Variants in UBE2E3 observed in about 807,000 individuals in gnomAD.
UBE2E3 encodes ubiquitin-conjugating enzyme E2 E3.
Under a neutral mutation model 23.6 loss-of-function variants are expected in UBE2E3, and 5 were observed. That is an observed-to-expected ratio of 0.21 (90% CI 0.11 to 0.44). The LOEUF (loss-of-function observed/expected upper bound fraction) is 0.44, where lower values mean the gene tolerates loss of function less well. UBE2E3 is among the 20% of genes least tolerant of loss of function. UBE2E3 has a pLI of 0.99. For synonymous variants in UBE2E3, 78 were observed against 87.5 expected (o/e 0.89, Z 0.60); for missense variants, 81 against 249.8 (o/e 0.32, Z 4.55).
chr2:181,058,524 A>T (rs1332066998), intron 4 of UBE2E3, among the ~76,000 whole-genome samples: 1 of 151,734 alleles, frequency 6.6e-6, no homozygotes, highest in African/African-American at 2.4e-5. Context: ...GTCAGCAGGT[A>T]AAAACCACTG....
Position 180,980,704 on chromosome 2 carries a change from GAGCTC to G in UBE2E3, c.-294_-290del, listed in dbSNP as rs1472833441. Reference sequence around the variant, plus strand: ...TCCCGCGTCCCCTCCGCCTCGCCGGGAGCTCGCGCCCTCGCCCAGCCGAGCTCCCA... The same window carrying G: ...TCCCGCGTCCCCTCCGCCTCGCCGGGGCGCCCTCGCCCAGCCGAGCTCCCA... On this transcript the variant is annotated 5_prime_UTR_variant, in exon 1 of 6. Coordinates refer to ENST00000410062, the MANE Select transcript of UBE2E3 (RefSeq NM_006357.4). This position sits in a 1 kb window ranked among gnomAD's most constrained non-coding sequence, Gnocchi z 5.5. 6.7e-6 allele frequency: 1 copy of G among 148,256 alleles called. No homozygotes were observed. The highest frequency in any genetic ancestry group is 2.5e-5 in the African/African-American group (1 of 40,768). The allele number at this position is 148,256 out of a possible 1,614,324, so 9.2% of individuals were successfully genotyped here. A position where few individuals can be genotyped will look rare whatever the true frequency, so the allele number is the denominator to read the frequency against.
chr2:181,042,276 G>A (rs1574213555), intron 3 of UBE2E3, among the ~76,000 whole-genome samples: 4 of 152,182 alleles, frequency 2.6e-5, no homozygotes, highest in African/African-American at 9.7e-5. Flanking sequence ...CAAGGGTATT[G>A]TGAAGCATCA....
chr2:181,050,522 A>G (rs1686812843), intron 3 of UBE2E3, among the ~76,000 whole-genome samples: 1 of 151,976 alleles, frequency 6.6e-6, no homozygotes, highest in African/African-American at 2.4e-5. Context: ...AAAAGTCTGT[A>G]GAGTAGAAGC....
intron 3 of UBE2E3, among the ~76,000 whole-genome samples, chr2:181,038,816 CAG>C (rs1214681629): frequency 6.6e-6 from 1 of 152,192 alleles, no homozygotes; most frequent in Non-Finnish European, 1.5e-5. Context: ...GTATGAATAA[CAG>C]TGGTGCTTAC....
At chr2:181,033,019 G>A (rs1226701198) in intron 3 of UBE2E3, among the ~76,000 whole-genome samples, 1 of 151,978 alleles carries the variant, frequency 6.6e-6, no homozygotes, top group African/African-American at 2.4e-5. Context: ...ACTGCTCAAC[G>A]AAATAAAAGA....
chr2:181,020,459 G>T (rs768217919), intron 3 of UBE2E3, among the ~76,000 whole-genome samples: 2 of 152,152 alleles, frequency 1.3e-5, no homozygotes, highest in African/African-American at 2.4e-5. Flanking sequence ...GATACTGGGG[G>T]TTAGAACTTC....
intron 4 of UBE2E3, among the ~76,000 whole-genome samples, chr2:181,059,151 TGA>T (rs1474745005): frequency 6.6e-6 from 1 of 151,782 alleles, no homozygotes; most frequent in African/African-American, 2.4e-5. Flanking sequence ...ACTCTGTTGC[TGA>T]GATATACAGT....
intron 3 of UBE2E3, among the ~76,000 whole-genome samples, chr2:181,021,594 C>CCCTCCCTTCCTT (rs1685690551): frequency 1.1e-5 from 1 of 92,068 alleles, no homozygotes; most frequent in Non-Finnish European, 2.1e-5. Flanking sequence ...CTTCCTTCCT[C>CCCTCCCTTCCTT]CCTCCCTTCC....
chr2:181,060,199 G>A (rs1180929574), intron 4 of UBE2E3, among the ~76,000 whole-genome samples: 1 of 151,646 alleles, frequency 6.6e-6, no homozygotes, highest in Admixed American at 6.6e-5. Flanking sequence ...CTAACGTTTG[G>A]TAAGAAATTA....
intron 3 of UBE2E3, among the ~76,000 whole-genome samples, chr2:181,011,329 G>A (rs1281101590): frequency 2.0e-5 from 3 of 152,016 alleles, no homozygotes; most frequent in Non-Finnish European, 4.4e-5. Flanking sequence ...GGGAGAAAAC[G>A]GGGGTGATAA....
At chr2:181,018,693 T>C (rs1235250192) in intron 3 of UBE2E3, among the ~76,000 whole-genome samples, 2 of 151,862 alleles carry the variant, frequency 1.3e-5, no homozygotes, top group East Asian at 3.9e-4. Context: ...CCTCACACTT[T>C]CCCAGTCCTC....
At chr2:180,987,296 G>T (rs1574155126) in intron 3 of UBE2E3, 1 of 1,545,156 alleles carries the variant, frequency 6.5e-7, no homozygotes, top group African/African-American at 1.4e-5. Flanking sequence ...GAATTGTTTA[G>T]TGATGTGTTA....
chr2:181,059,789 C>G (rs185430829), intron 4 of UBE2E3, among the ~76,000 whole-genome samples: 5 of 151,732 alleles, frequency 3.3e-5, no homozygotes, highest in Non-Finnish European at 4.4e-5. Context: ...GGTCCCCTAC[C>G]CCCTCCCTGT....
intron 3 of UBE2E3, among the ~76,000 whole-genome samples, chr2:181,025,262 A>C (rs1685848017): frequency 6.6e-6 from 1 of 151,962 alleles, no homozygotes; most frequent in Non-Finnish European, 1.5e-5. Context: ...TCTTAAATAG[A>C]CCACAGAAAC....
chr2:181,018,997 C>T lies in UBE2E3; in HGVS notation c.245+34904C>T, dbSNP rs1157659684. ...TTTTTTTTTGAGATGGAGTTTTGCT[C>T]TTGTCGCCCAGGCTGGAGGGCAGTG... On this transcript the variant is annotated intron_variant, in intron 3 of 5. Transcript: ENST00000410062. Among the ~76,000 whole-genome samples, 6 of 152,088 alleles carry T rather than the reference C, an allele frequency of 3.9e-5. No homozygotes were observed. The East Asian group carries it at 9.7e-4, about 25-fold the overall frequency.
chr2:181,034,424 A>G (rs1686194811), intron 3 of UBE2E3, among the ~76,000 whole-genome samples: 1 of 152,234 alleles, frequency 6.6e-6, no homozygotes, highest in African/African-American at 2.4e-5. Flanking sequence ...AACTGTTGCA[A>G]GAACAGAAAA....
At chr2:181,027,210 T>C (rs189898687) in intron 3 of UBE2E3, among the ~76,000 whole-genome samples, 1 of 152,074 alleles carries the variant, frequency 6.6e-6, no homozygotes, top group Admixed American at 6.5e-5. Flanking sequence ...TTGTAACGTA[T>C]ATATGTATGT....
At chr2:181,003,103 T>A (rs1233439699) in intron 3 of UBE2E3, among the ~76,000 whole-genome samples, 1 of 152,236 alleles carries the variant, frequency 6.6e-6, no homozygotes, top group Non-Finnish European at 1.5e-5. Context: ...GGAGTGTATG[T>A]CCTGAACATC....
At chr2:181,034,706 C>G (rs777990754) in intron 3 of UBE2E3, among the ~76,000 whole-genome samples, 1 of 151,676 alleles carries the variant, frequency 6.6e-6, no homozygotes, top group African/African-American at 2.4e-5. Context: ...TTTCCTGGAA[C>G]TAGCATGTCA....
Sources: allele counts gnomAD v4.1 joint callset (sites outside exome capture counted in the v4.1 genomes callset), GRCh38; gene constraint gnomAD v4.1.1; non-coding constraint Gnocchi (gnomAD v3.1); transcripts MANE v1.5; gene names NCBI Gene and HGNC (gene_info 2026-07-23, HGNC 2026-07-21).